WHR1: variants seen among roughly 807,000 people sequenced by gnomAD.
The protein encoded by WHR1 is winged helix repair factor 1.
the WHR1 span, chr6:31,979,362 T>C: frequency 3.7e-4 from 598 of 1,606,482 alleles, 4 homozygotes; most frequent in Non-Finnish European, 8.0e-5. Context: ...GGGGTGGAGG[T>C]TGGTAGAGAG....
At chr6:31,978,825 C>A in the WHR1 span, 1 of 1,376,702 alleles carries the variant, frequency 7.3e-7, no homozygotes, top group Non-Finnish European at 1.0e-6. Context: ...CAAAATCTCC[C>A]TGCCTGAGAG....
chr6:31,976,426 C>T, the WHR1 span, among the ~76,000 whole-genome samples: 4 of 151,130 alleles, frequency 2.6e-5, no homozygotes, highest in Non-Finnish European at 4.4e-5. Flanking sequence ...CGGGCAGAGG[C>T]GCTCCTCACA....
At chr6:31,979,086 GAA>G in the WHR1 span, 1 of 1,414,318 alleles carries the variant, frequency 7.1e-7, no homozygotes, top group Non-Finnish European at 9.8e-7. Flanking sequence ...AAAAACAAAA[GAA>G]AGAATTTCCC....
At chr6:31,980,424 T>A in the WHR1 span, 1,386 of 1,597,188 alleles carry the variant, frequency 8.7e-4, no homozygotes, top group Middle Eastern at 6.1e-3. Flanking sequence ...CCAGCCCTCA[T>A]CTCTGCTGGC....
the WHR1 span, among the ~76,000 whole-genome samples, chr6:31,974,701 T>G: frequency 6.6e-6 from 1 of 152,206 alleles, no homozygotes; most frequent in Non-Finnish European, 1.5e-5. Flanking sequence ...GAGGCTGCAG[T>G]GAGCTATGAT....
At chr6:31,978,413 A>G in the WHR1 span, among the ~76,000 whole-genome samples, 2 of 152,204 alleles carry the variant, frequency 1.3e-5, no homozygotes, top group Admixed American at 6.5e-5. Context: ...GCTGAATTAC[A>G]GGCATGAGCC....
chr6:31,972,532 G>C, the WHR1 span: 3 of 1,599,380 alleles, frequency 1.9e-6, no homozygotes, highest in Non-Finnish European at 2.6e-6. The surrounding 1 kb of genome is among the most constrained non-coding windows in gnomAD (Gnocchi z 6.3). Context: ...CAACCCCGGG[G>C]GTGGGGCCTC....
the WHR1 span, chr6:31,979,337 A>C: frequency 6.3e-7 from 1 of 1,583,952 alleles, no homozygotes; most frequent in Non-Finnish European, 8.6e-7. Flanking sequence ...AGACAGGAAG[A>C]GAAATGCTGT....
the WHR1 span, chr6:31,971,953 C>G: frequency 1.3e-6 from 2 of 1,566,176 alleles, no homozygotes; most frequent in Non-Finnish European, 1.7e-6. The surrounding 1 kb of genome is among the most constrained non-coding windows in gnomAD (Gnocchi z 4.5). Context: ...ACTTCCACCT[C>G]CGCAGAGCTA....
At chr6:31,971,948 C>A in the WHR1 span, 1 of 1,556,874 alleles carries the variant, frequency 6.4e-7, no homozygotes, top group Non-Finnish European at 8.7e-7. The surrounding 1 kb of genome is among the most constrained non-coding windows in gnomAD (Gnocchi z 4.5). Context: ...CCCCAACTTC[C>A]ACCTCCGCAG....
chr6:31,976,502 C>T, the WHR1 span, among the ~76,000 whole-genome samples: 7 of 151,800 alleles, frequency 4.6e-5, no homozygotes, highest in Non-Finnish European at 8.8e-5. Flanking sequence ...CGGGCAGAGA[C>T]GCTCCTCACT....
the WHR1 span, chr6:31,980,392 G>T: frequency 1.4e-6 from 2 of 1,436,566 alleles, no homozygotes; most frequent in Non-Finnish European, 1.9e-6. Context: ...AATGGATGAG[G>T]AGGAGAGATG....
chr6:31,975,124 C>T, the WHR1 span, among the ~76,000 whole-genome samples: 1 of 152,094 alleles, frequency 6.6e-6, no homozygotes, highest in Non-Finnish European at 1.5e-5. Flanking sequence ...CCACATATAT[C>T]CCTCTCTGAT....
At chr6:31,981,278 C>T in the WHR1 span, 2 of 94,792 alleles carry the variant, frequency 2.1e-5, no homozygotes, top group Non-Finnish European at 1.7e-5. Flanking sequence ...AAAGTGGAAC[C>T]AGAAATGGTG....
the WHR1 span, among the ~76,000 whole-genome samples, chr6:31,977,949 G>C: frequency 6.6e-6 from 1 of 151,794 alleles, no homozygotes; most frequent in Non-Finnish European, 1.5e-5. Flanking sequence ...CACCACGCCC[G>C]GCTAATTTTT....
the WHR1 span, chr6:31,980,731 G>T: frequency 6.2e-6 from 10 of 1,608,930 alleles, no homozygotes; most frequent in Admixed American, 1.7e-4. Context: ...GGGCCGGCGG[G>T]CGCCTGTCGT....
chr6:31,978,312 G>A, the WHR1 span, among the ~76,000 whole-genome samples: 1 of 151,598 alleles, frequency 6.6e-6, no homozygotes, highest in African/African-American at 2.4e-5. Context: ...TTTTTGTAGA[G>A]ATGTGGCGGG....
chr6:31,972,720 G>C, the WHR1 span: 1 of 1,613,564 alleles, frequency 6.2e-7, no homozygotes, highest in Non-Finnish European at 8.5e-7. The surrounding 1 kb of genome is among the most constrained non-coding windows in gnomAD (Gnocchi z 6.3). Flanking sequence ...CAGGTGTACA[G>C]CCTTGTGCCT....
At chr6:31,972,368 C>T in the WHR1 span, 12 of 1,612,958 alleles carry the variant, frequency 7.4e-6, no homozygotes, top group African/African-American at 4.0e-5. This position sits in a 1 kb window ranked among gnomAD's most constrained non-coding sequence, Gnocchi z 6.3. Context: ...AGGTTCTCTT[C>T]CCTCCATTCC....
Sources: gnomAD v4.1 joint callset for allele counts (sites outside exome capture counted in the v4.1 genomes callset) on GRCh38, gnomAD v4.1.1 for gene constraint, Gnocchi (gnomAD v3.1) non-coding constraint, MANE v1.5 for transcripts, NCBI Gene and HGNC (gene_info 2026-07-23, HGNC 2026-07-21) for gene names.